The following SNTG1 variants were observed in gnomAD, a reference collection of about 807,000 sequenced individuals.
The protein encoded by SNTG1 is gamma-1-syntrophin.
A neutral mutation model predicts 74.7 loss-of-function variants in SNTG1; 39 were observed. The observed-to-expected ratio is 0.52, with a 90% CI of 0.40 to 0.68. The LOEUF (loss-of-function observed/expected upper bound fraction) is 0.68, where lower values mean the gene tolerates loss of function less well. SNTG1 is among the 30% of genes least tolerant of loss of function. SNTG1 has a pLI of 0.00. For synonymous variants in SNTG1, 254 were observed against 217.1 expected, an observed-to-expected ratio of 1.17 and a Z score of -1.49; for missense variants, 685 against 609.5, an observed-to-expected ratio of 1.12 and a Z score of -1.30.
At chr8:50,665,230 A>G (rs1402256246) in intron 15 of SNTG1, among the ~76,000 whole-genome samples, 1 of 152,094 alleles carries the variant, frequency 6.6e-6, no homozygotes, top group African/African-American at 2.4e-5. Flanking sequence ...ATGGGGAAGG[A>G]GAAAGAGGGA....
intron 1 of SNTG1, among the ~76,000 whole-genome samples, chr8:49,973,897 C>T (rs1811950817): frequency 6.6e-6 from 1 of 152,142 alleles, no homozygotes; most frequent in African/African-American, 2.4e-5. Context: ...TCTGTGTTTT[C>T]ATTCAAATTA....
At chr8:50,709,018 C>A in intron 17 of SNTG1, 40 bp downstream of exon 17, 1 of 1,404,412 alleles carries the variant, frequency 7.1e-7, no homozygotes, top group Non-Finnish European at 1.0e-6. Flanking sequence ...ATGCTGCAAA[C>A]ATTCTAATTG....
chr8:50,442,138 A>G (rs2093363371), intron 5 of SNTG1, among the ~76,000 whole-genome samples: 2 of 152,200 alleles, frequency 1.3e-5, no homozygotes, highest in African/African-American at 4.8e-5. Flanking sequence ...TTGATGAACT[A>G]TTTGCACTCA....
Position 50,570,564 on chromosome 8 carries a change from TTTA to T in SNTG1, c.810+17406_810+17408del, listed in dbSNP as rs577888118. 5.3e-3 allele frequency among the ~76,000 whole-genome samples: 689 copies of T among 129,786 alleles called. 9 individuals carry two copies. Among genetic ancestry groups the T allele is most frequent in the African/African-American group, 0.018 (618 of 34,312 alleles). The allele number at this position is 129,786 out of a possible 152,430, so 85.1% of individuals were successfully genotyped here. A position where few individuals can be genotyped will look rare whatever the true frequency, so the allele number is the denominator to read the frequency against. ...TGAGCCACCACGTCCAGCCTTATTT[TTTA>T]TTATTATTATTATTATTATTGTTGT... On this transcript the variant is annotated intron_variant, in intron 12 of 18. Coordinates refer to ENST00000642720, the MANE Select transcript of SNTG1 (RefSeq NM_018967.5).
chr8:50,143,346 G>A (rs1010397644), intron 1 of SNTG1, among the ~76,000 whole-genome samples: 10 of 152,062 alleles, frequency 6.6e-5, no homozygotes, highest in African/African-American at 1.7e-4. Flanking sequence ...TGAGAAAAAC[G>A]TTGTGTTTGT....
At chr8:50,107,947 T>C (rs1250347763) in intron 1 of SNTG1, among the ~76,000 whole-genome samples, 1 of 152,202 alleles carries the variant, frequency 6.6e-6, no homozygotes, top group African/African-American at 2.4e-5. Context: ...ACATAATTTT[T>C]TGGTAAGCGT....
At chr8:50,719,940 A>G (rs1488581545) in intron 17 of SNTG1, among the ~76,000 whole-genome samples, 3 of 152,196 alleles carry the variant, frequency 2.0e-5, no homozygotes, top group Non-Finnish European at 4.4e-5. Flanking sequence ...AATATAGTTG[A>G]TGAAATATAT....
chr8:49,915,796 G>A (rs68134005), intron 1 of SNTG1, among the ~76,000 whole-genome samples: 18,251 of 152,234 alleles, frequency 0.12, 1,338 homozygotes, highest in South Asian at 0.24. Flanking sequence ...GGAGTGAAAT[G>A]TGGACAACAT....
At chr8:50,585,013 C>T (rs2094638331) in intron 12 of SNTG1, among the ~76,000 whole-genome samples, 1 of 152,102 alleles carries the variant, frequency 6.6e-6, no homozygotes. Flanking sequence ...AAGGGGCAGG[C>T]ATTGGCTCTG....
intron 1 of SNTG1, among the ~76,000 whole-genome samples, chr8:49,930,415 T>G (rs1045375637): frequency 4.6e-5 from 7 of 152,094 alleles, no homozygotes; most frequent in Admixed American, 2.6e-4. Context: ...TAATTAAAAA[T>G]TATTCAAATT....
chr8:50,142,213 T>G (rs1205422895), intron 1 of SNTG1, among the ~76,000 whole-genome samples: 2 of 152,056 alleles, frequency 1.3e-5, no homozygotes, highest in African/African-American at 2.4e-5. Context: ...TCTTAAACAC[T>G]TCCCACGACA....
At chr8:50,262,753 G>A (rs565419523) in intron 2 of SNTG1, among the ~76,000 whole-genome samples, 19 of 152,036 alleles carry the variant, frequency 1.2e-4, no homozygotes, top group African/African-American at 4.3e-4. Context: ...ATAAGCCCAG[G>A]CTATCTAAAA....
chr8:50,101,728 T>C (rs866809274), intron 1 of SNTG1, among the ~76,000 whole-genome samples: 2 of 151,096 alleles, frequency 1.3e-5, no homozygotes, highest in Non-Finnish European at 3.0e-5. Context: ...CCCACAACAG[T>C]CCCCAGAGTG....
chr8:50,649,493 C>T (rs909511938), intron 13 of SNTG1, among the ~76,000 whole-genome samples: 1 of 151,382 alleles, frequency 6.6e-6, no homozygotes, highest in African/African-American at 2.4e-5. Flanking sequence ...AGGGAGACTC[C>T]TTCTCAAAAA....
intron 18 of SNTG1, among the ~76,000 whole-genome samples, chr8:50,786,963 T>C (rs1455778130): frequency 6.6e-5 from 10 of 151,842 alleles, no homozygotes; most frequent in Admixed American, 6.6e-4. Flanking sequence ...AGCACAAGAA[T>C]CAAAGGGGAA....
At chr8:50,653,983 T>C (rs548974021) in intron 13 of SNTG1, among the ~76,000 whole-genome samples, 4 of 152,322 alleles carry the variant, frequency 2.6e-5, no homozygotes, top group Admixed American at 2.0e-4. Flanking sequence ...CGTTTTTTTT[T>C]CCTGTCTTCT....
chr8:50,601,543 A>G (rs1197874313), intron 13 of SNTG1, among the ~76,000 whole-genome samples: 2 of 152,164 alleles, frequency 1.3e-5, no homozygotes, highest in Admixed American at 6.5e-5. Flanking sequence ...TAGCTGACAT[A>G]TGGTATCTCC....
intron 1 of SNTG1, among the ~76,000 whole-genome samples, chr8:50,041,538 A>T (rs1818639699): frequency 6.6e-6 from 1 of 152,226 alleles, no homozygotes; most frequent in South Asian, 2.1e-4. Context: ...AATTGAGCTC[A>T]GTAGAACTTA....
intron 2 of SNTG1, among the ~76,000 whole-genome samples, chr8:50,269,606 C>A (rs150602073): frequency 6.6e-6 from 1 of 152,212 alleles, no homozygotes; most frequent in Non-Finnish European, 1.5e-5. Context: ...CCACAGCAAC[C>A]TCAAAGTATG....
Sources: gnomAD v4.1 joint callset for allele counts (sites outside exome capture counted in the v4.1 genomes callset) on GRCh38, gnomAD v4.1.1 for gene constraint, MANE v1.5 for transcripts, NCBI Gene and HGNC (gene_info 2026-07-23, HGNC 2026-07-21) for gene names.